RCOR1: variants seen among roughly 807,000 people sequenced by gnomAD.
RCOR1 encodes REST corepressor 1, also known as REST corepressor.
RCOR1 carries 12 observed loss-of-function variants against 64.0 expected under a neutral mutation model. That is an observed-to-expected ratio of 0.19 (90% CI 0.12 to 0.30). The LOEUF (loss-of-function observed/expected upper bound fraction) is 0.30. Ranked by LOEUF, RCOR1 falls within the 10% of genes least tolerant of loss-of-function variation. The pLI is 1.00. For missense variants in RCOR1, 502 were observed against 621.2 expected, an observed-to-expected ratio of 0.81 and a Z score of 2.04; for synonymous variants, 279 against 227.2, an observed-to-expected ratio of 1.23 and a Z score of -2.05.
At position 102,726,614 on chromosome 14, in the gene RCOR1, C is replaced by A; in HGVS notation, c.*108C>A. The stretch of plus-strand genomic sequence containing the variant: ...GCATCACATCTCTCTGGACAAGCAG[C>A]TATTACCAAAAAAGGCATATACTTC... On this transcript the variant is annotated 3_prime_UTR_variant, in exon 12 of 12. Transcript: ENST00000262241. 1.0e-6 allele frequency: 1 copy of A among 961,926 alleles called. No individual in the cohort carries two copies. The allele number at this position is 961,926 out of a possible 1,614,324, so 59.6% of individuals were successfully genotyped here.
chr14:102,657,471 T>C, intron 2 of RCOR1: 1 of 984,378 alleles, frequency 1.0e-6, no homozygotes, highest in Non-Finnish European at 1.2e-6. Flanking sequence ...CTCATCCTTT[T>C]TGATATTAGA....
intron 2 of RCOR1, among the ~76,000 whole-genome samples, chr14:102,648,470 T>G (rs977731784): frequency 6.6e-6 from 1 of 152,234 alleles, no homozygotes; most frequent in Non-Finnish European, 1.5e-5. Flanking sequence ...GTCAACTGTT[T>G]GTCTAAGGAG....
intron 4 of RCOR1, among the ~76,000 whole-genome samples, chr14:102,702,971 T>TAA (rs1368165966): frequency 1.3e-5 from 2 of 151,968 alleles, no homozygotes; most frequent in Non-Finnish European, 2.9e-5. Flanking sequence ...TAATGGAAGA[T>TAA]ACAGAAAAAA....
rs540543149 is a variant in RCOR1 at position 102,656,145 on chromosome 14, T to A, written c.362-25750T>A. 22 of 975,394 alleles carry A rather than the reference T, an allele frequency of 2.3e-5. No homozygotes were observed. The African/African-American group carries it at 2.8e-4, about 12-fold the overall frequency. The allele number at this position is 975,394 out of a possible 1,614,324, so 60.4% of individuals were successfully genotyped here. A position where few individuals can be genotyped will look rare whatever the true frequency, so the allele number is the denominator to read the frequency against. Reference sequence around the variant, plus strand: ...TTTGCTGAGATTTTTTTATTTTTTTTATTTTTTTTTTGGAGACAGAGTCTC... The same window carrying A: ...TTTGCTGAGATTTTTTTATTTTTTTAATTTTTTTTTTGGAGACAGAGTCTC... On this transcript the variant is annotated intron_variant, in intron 2 of 11. Coordinates refer to ENST00000262241, the MANE Select transcript of RCOR1 (RefSeq NM_015156.4).
At chr14:102,715,317 C>T (rs1245094309) in intron 8 of RCOR1, among the ~76,000 whole-genome samples, 6 of 151,902 alleles carry the variant, frequency 3.9e-5, no homozygotes, top group Admixed American at 1.3e-4. Context: ...ATGATCCACC[C>T]GCCTCGGCCT....
intron 2 of RCOR1, among the ~76,000 whole-genome samples, chr14:102,671,378 A>G (rs1567430074): frequency 1.3e-5 from 2 of 151,436 alleles, no homozygotes; most frequent in Non-Finnish European, 2.9e-5. Context: ...CCTTCCAGTT[A>G]GTTTCTGTGT....
intron 2 of RCOR1, among the ~76,000 whole-genome samples, chr14:102,603,007 T>C (rs1893435146): frequency 6.6e-6 from 1 of 152,166 alleles, no homozygotes; most frequent in Non-Finnish European, 1.5e-5. Flanking sequence ...TGCCTGTAAT[T>C]AAGTTTTCCA....
intron 2 of RCOR1, among the ~76,000 whole-genome samples, chr14:102,637,694 C>T (rs1894273805): frequency 6.6e-6 from 1 of 152,172 alleles, no homozygotes; most frequent in Non-Finnish European, 1.5e-5. Context: ...AAACGATTTG[C>T]CTGCCTTGGC....
chr14:102,693,818 C>T (rs1447471331), intron 3 of RCOR1, among the ~76,000 whole-genome samples: 3 of 151,950 alleles, frequency 2.0e-5, no homozygotes, highest in East Asian at 1.9e-4. Flanking sequence ...CTTCCTGTTT[C>T]GTCTTTTATC....
intron 2 of RCOR1, among the ~76,000 whole-genome samples, chr14:102,676,165 C>T (rs1387009661): frequency 4.4e-4 from 66 of 150,926 alleles, no homozygotes; most frequent in Middle Eastern, 6.8e-3. Flanking sequence ...CCACCCTTCC[C>T]GCCTTTCTAT....
intron 2 of RCOR1, among the ~76,000 whole-genome samples, chr14:102,661,957 C>T (rs1317187389): frequency 6.6e-6 from 1 of 151,924 alleles, no homozygotes; most frequent in Non-Finnish European, 1.5e-5. Context: ...GACAGGGTCT[C>T]ACTTTGTTGC....
chr14:102,631,853 T>C (rs898399258), intron 2 of RCOR1, among the ~76,000 whole-genome samples: 5 of 152,114 alleles, frequency 3.3e-5, no homozygotes, highest in African/African-American at 9.7e-5. Context: ...CAGGTTGGAG[T>C]GCGGTGGCGC....
chr14:102,701,132 G>T (rs1895749464), intron 3 of RCOR1, 146 bp from the exon 4 acceptor site: 3 of 698,628 alleles, frequency 4.3e-6, no homozygotes, highest in Non-Finnish European at 7.7e-6. Context: ...GGAATTGTGG[G>T]AGATACAAAT....
At chr14:102,640,472 C>T (rs2139920412) in intron 2 of RCOR1, among the ~76,000 whole-genome samples, 1 of 152,288 alleles carries the variant, frequency 6.6e-6, no homozygotes, top group East Asian at 1.9e-4. Context: ...CTCTCAAAGA[C>T]TTGGTGGACT....
In RCOR1 at chr14:102,723,198, G is replaced by A. The variant is rs145306694; in HGVS notation, c.1419+782G>A. ...TTAAGAATTAATTTAGCTTTGTAAG[G>A]AAAGTCACTTTCACATCAAAGCCTT... On this transcript the variant is annotated intron_variant, in intron 11 of 11. Transcript: ENST00000262241. Among the ~76,000 whole-genome samples, 102 of 152,384 alleles carry A rather than the reference G, an allele frequency of 6.7e-4. 1 individual carries two copies. The highest frequency in any genetic ancestry group is 2.4e-3 in the African/African-American group (98 of 41,584).
At chr14:102,704,488 A>G (rs369229963) in intron 4 of RCOR1, among the ~76,000 whole-genome samples, 4 of 152,270 alleles carry the variant, frequency 2.6e-5, no homozygotes, top group African/African-American at 9.6e-5. Flanking sequence ...CTGGAGGGCA[A>G]TGGTGCGATC....
chr14:102,625,857 C>A (rs1230888197), intron 2 of RCOR1, among the ~76,000 whole-genome samples: 1 of 152,078 alleles, frequency 6.6e-6, no homozygotes, highest in Non-Finnish European at 1.5e-5. Context: ...ATATTCTTCC[C>A]AGAGCCGCTG....
In RCOR1 at chr14:102,592,974, G is replaced by GCCT; in HGVS notation, c.91_93dup (p.Ser31dup). 1 of 1,154,880 alleles carries GCCT rather than the reference G, an allele frequency of 8.7e-7. No individual in the cohort carries two copies. Among genetic ancestry groups the GCCT allele is most frequent in the Non-Finnish European group, 1.1e-6 (1 of 937,542 alleles). The allele number at this position is 1,154,880 out of a possible 1,614,324, so 71.5% of individuals were successfully genotyped here. ...GGCCGCCTCCGCCTCCGCCGCCGCC[G>GCCT]CCTCCGCCGCCGCCTCGGCCGCCTG... On this transcript the variant is annotated inframe_insertion, in exon 1 of 12. Coordinates refer to ENST00000262241, the MANE Select transcript of RCOR1 (RefSeq NM_015156.4).
intron 2 of RCOR1, among the ~76,000 whole-genome samples, chr14:102,633,389 A>G (rs931207742): frequency 2.6e-5 from 4 of 152,224 alleles, no homozygotes; most frequent in African/African-American, 7.2e-5. Context: ...GGGTCTTGCC[A>G]TATTATATTG....
Sources: gnomAD v4.1 joint callset for allele counts (sites outside exome capture counted in the v4.1 genomes callset) on GRCh38, gnomAD v4.1.1 for gene constraint, MANE v1.5 for transcripts, NCBI Gene and HGNC (gene_info 2026-07-23, HGNC 2026-07-21) for gene names.